Variants in SDK1 observed in about 807,000 individuals in gnomAD.
The protein encoded by SDK1 is protein sidekick-1.
Under a neutral mutation model 245.5 loss-of-function variants are expected in SDK1, and 157 were observed. The ratio of observed to expected loss-of-function variants is 0.64; its 90% CI spans 0.56 to 0.73. The LOEUF (loss-of-function observed/expected upper bound fraction) is 0.73, where lower values mean the gene tolerates loss of function less well. Among genes scored for constraint, SDK1 ranks in the 30% least tolerant of loss-of-function variants. SDK1 has a pLI of 0.00. For missense variants in SDK1, 3,583 were observed against 3,002.3 expected, an observed-to-expected ratio of 1.19 and a Z score of -4.52; for synonymous variants, 1,647 against 1,278.5, an observed-to-expected ratio of 1.29 and a Z score of -6.15.
intron 4 of SDK1, among the ~76,000 whole-genome samples, chr7:3,681,928 A>G (rs892374863): frequency 1.3e-5 from 2 of 152,196 alleles, no homozygotes; most frequent in African/African-American, 2.4e-5. Flanking sequence ...TACAGTCCCT[A>G]TACTGTATGT....
intron 1 of SDK1, among the ~76,000 whole-genome samples, chr7:3,308,752 C>T (rs955182726): frequency 1.3e-5 from 2 of 152,166 alleles, no homozygotes; most frequent in South Asian, 4.1e-4. Context: ...AGTCTTTGTG[C>T]AGTGTTTGGT....
At chr7:3,871,945 G>T in intron 5 of SDK1, among the ~76,000 whole-genome samples, 1 of 152,300 alleles carries the variant, frequency 6.6e-6, no homozygotes, top group Middle Eastern at 3.4e-3. Context: ...TATGTATTTT[G>T]TGGATGTCCC....
At chr7:3,701,539 T>C (rs1430664720) in intron 4 of SDK1, among the ~76,000 whole-genome samples, 1 of 152,092 alleles carries the variant, frequency 6.6e-6, no homozygotes, top group Admixed American at 6.6e-5. Context: ...TTTGGGGTTG[T>C]AGTGAGCTAT....
intron 1 of SDK1, among the ~76,000 whole-genome samples, chr7:3,380,538 T>G (rs184529472): frequency 7.9e-5 from 12 of 152,356 alleles, no homozygotes; most frequent in African/African-American, 2.6e-4. Context: ...AACTTTGGTG[T>G]TGTAACACTT....
At chr7:3,656,493 G>T (rs1367486017) in intron 4 of SDK1, among the ~76,000 whole-genome samples, 2 of 152,118 alleles carry the variant, frequency 1.3e-5, no homozygotes, top group Non-Finnish European at 2.9e-5. Context: ...ATGTACTTTG[G>T]ACTCTAAGGG....
At chr7:4,052,260 C>G (rs1778911081) in intron 19 of SDK1, among the ~76,000 whole-genome samples, 1 of 143,708 alleles carries the variant, frequency 7.0e-6, no homozygotes, top group Non-Finnish European at 1.5e-5. Context: ...CCTGAGTTTG[C>G]ATTACCTCCA....
At chr7:3,643,263 A>G (rs1782709545) in intron 4 of SDK1, 1 of 124,618 alleles carries the variant, frequency 8.0e-6, no homozygotes. Context: ...ATTCTCATCT[A>G]CCTGAACATC....
chr7:4,225,734 C>T (rs1236892028), intron 40 of SDK1, among the ~76,000 whole-genome samples: 1 of 152,150 alleles, frequency 6.6e-6, no homozygotes, highest in African/African-American at 2.4e-5. Context: ...CTTCTGAAGT[C>T]AGCTGAGTCT....
At chr7:3,470,120 T>C (rs894434124) in intron 1 of SDK1, among the ~76,000 whole-genome samples, 3 of 152,198 alleles carry the variant, frequency 2.0e-5, no homozygotes, top group Non-Finnish European at 4.4e-5. Flanking sequence ...TTTTTGGGGC[T>C]TAGCATCACA....
intron 4 of SDK1, among the ~76,000 whole-genome samples, chr7:3,690,566 G>A (rs1375362221): frequency 6.6e-6 from 1 of 152,062 alleles, no homozygotes; most frequent in Admixed American, 6.6e-5. Flanking sequence ...ATCTTGCGTC[G>A]AGTGGCCTCA....
At chr7:3,940,385 C>T (rs758604323) in intron 5 of SDK1, among the ~76,000 whole-genome samples, 16 of 152,232 alleles carry the variant, frequency 1.1e-4, no homozygotes, top group African/African-American at 3.6e-4. Flanking sequence ...AACGCGAAAA[C>T]GCATCTTAAA....
At chr7:3,933,274 C>G (rs1583583429) in intron 5 of SDK1, among the ~76,000 whole-genome samples, 1 of 151,748 alleles carries the variant, frequency 6.6e-6, no homozygotes, top group African/African-American at 2.4e-5. Flanking sequence ...CCACTCCCAG[C>G]TAATTTAAAA....
intron 17 of SDK1, among the ~76,000 whole-genome samples, chr7:4,045,359 C>T (rs1788944462): frequency 6.6e-6 from 1 of 152,132 alleles, no homozygotes; most frequent in Non-Finnish European, 1.5e-5. Flanking sequence ...CCCCCCATCT[C>T]AGCCTCCCAA....
chr7:3,346,355 G>A (rs1780492406), intron 1 of SDK1, among the ~76,000 whole-genome samples: 1 of 152,024 alleles, frequency 6.6e-6, no homozygotes, highest in Non-Finnish European at 1.5e-5. Context: ...TCCGTGCAAG[G>A]CTGTTCATCT....
chr7:3,667,776 C>A (rs893438575), intron 4 of SDK1, among the ~76,000 whole-genome samples: 1 of 152,144 alleles, frequency 6.6e-6, no homozygotes, highest in African/African-American at 2.4e-5. Context: ...CATATCAGTA[C>A]TTTGTTCTTC....
intron 5 of SDK1, among the ~76,000 whole-genome samples, chr7:3,890,057 C>A (rs1366321316): frequency 6.6e-6 from 1 of 152,108 alleles, no homozygotes; most frequent in Non-Finnish European, 1.5e-5. Context: ...TCAAATCAGA[C>A]AGAGCCTTGG....
chr7:4,240,736 A>G (rs532527354), intron 42 of SDK1, among the ~76,000 whole-genome samples: 1 of 152,158 alleles, frequency 6.6e-6, no homozygotes, highest in Non-Finnish European at 1.5e-5. Context: ...AAATATGTAC[A>G]TGGGCCTGAG....
chr7:3,838,384 TG>T lies in SDK1; in HGVS notation c.847+16803del, dbSNP rs543464478. On this transcript the variant is annotated intron_variant, in intron 5 of 44. Transcript: ENST00000404826. ...GGCACCCAGACACATCAGTGGGAAT[TG>T]GAAGGTTTCCCCTGAGAGACGATGT... Among the ~76,000 whole-genome samples the T allele has an allele frequency of 2.0e-5, 3 of 152,284 alleles. No individual in the cohort carries two copies. The East Asian group carries it at 5.8e-4, about 29-fold the overall frequency.
intron 5 of SDK1, among the ~76,000 whole-genome samples, chr7:3,901,655 A>G (rs529316174): frequency 6.6e-6 from 1 of 152,288 alleles, no homozygotes; most frequent in South Asian, 2.1e-4. Flanking sequence ...CTGTGTGGTA[A>G]TACCTTGAAA....
Sources: allele counts gnomAD v4.1 joint callset (sites outside exome capture counted in the v4.1 genomes callset), GRCh38; gene constraint gnomAD v4.1.1; transcripts MANE v1.5; gene names NCBI Gene and HGNC (gene_info 2026-07-23, HGNC 2026-07-21).